The following PARP15 variants were observed in gnomAD, a reference collection of about 807,000 sequenced individuals.
PARP15 encodes the protein poly(ADP-ribose) polymerase family member 15, also known as protein mono-ADP-ribosyltransferase PARP15.
Under a neutral mutation model 62.1 loss-of-function variants are expected in PARP15, and 50 were observed. That is an observed-to-expected ratio of 0.81 (90% CI 0.64 to 1.02). The LOEUF is 1.02. PARP15 is among the 50% of genes least tolerant of loss of function. The probability of loss-of-function intolerance (pLI) is 0.00; values close to 1 mark genes in which losing one functional copy is unlikely to be tolerated. For missense variants in PARP15, 820 were observed against 826.5 expected, an observed-to-expected ratio of 0.99 and a Z score of 0.10; for synonymous variants, 309 against 293.1, an observed-to-expected ratio of 1.05 and a Z score of -0.55.
chr3:122,588,342 A>G (rs1436994750), intron 1 of PARP15, among the ~76,000 whole-genome samples: 2 of 129,432 alleles, frequency 1.5e-5, no homozygotes, highest in Non-Finnish European at 1.6e-5. Flanking sequence ...TATATTTTCT[A>G]GGAATTGGTT....
At chr3:122,606,337 C>G (rs914959336) in intron 2 of PARP15, among the ~76,000 whole-genome samples, 3 of 152,202 alleles carry the variant, frequency 2.0e-5, no homozygotes, top group African/African-American at 7.2e-5. Flanking sequence ...TTGACTTACT[C>G]TCAACCCAGT....
chr3:122,584,151 T>C (rs1310523111), intron 1 of PARP15, among the ~76,000 whole-genome samples: 1 of 152,240 alleles, frequency 6.6e-6, no homozygotes. Context: ...ATTTTAGATA[T>C]CTTTTAACAA....
chr3:122,618,856 G>A (rs1046386683), intron 6 of PARP15, among the ~76,000 whole-genome samples: 2 of 152,140 alleles, frequency 1.3e-5, no homozygotes, highest in African/African-American at 2.4e-5. Flanking sequence ...AAGCCCGCTG[G>A]TCAACAAGCC....
At chr3:122,629,387 T>C (rs887710376) in intron 9 of PARP15, among the ~76,000 whole-genome samples, 2 of 152,172 alleles carry the variant, frequency 1.3e-5, no homozygotes, top group African/African-American at 2.4e-5. Context: ...CCCACCGGCC[T>C]CTCAAAGTGC....
Position 122,626,990 on chromosome 3 carries a change from C to G in PARP15, c.1395C>G (p.Leu465=), listed in dbSNP as rs370946370. Residue 465 remains leucine, a synonymous_variant, in exon 9 of 12, where the codon CTC becomes CTG. Coordinates refer to ENST00000464300, the MANE Select transcript of PARP15 (RefSeq NM_001113523.3). The part of the protein sequence containing the change: ...IFYDSMKKRD[L]SASLNFQSTF... ...ACGACAGCATGAAAAAAAGAGACCT[C>G]TCTGCATCACTGAACTTTCAGTCCA... 1.9e-6 allele frequency: 3 copies of G among 1,613,718 alleles called. No individual in the cohort carries two copies. Among genetic ancestry groups the G allele is most frequent in the African/African-American group, 2.7e-5 (2 of 74,892 alleles).
At chr3:122,578,009 A>C (rs2080718981) in intron 1 of PARP15, among the ~76,000 whole-genome samples, 156 bp downstream of exon 1, 1 of 146,506 alleles carries the variant, frequency 6.8e-6, no homozygotes, top group African/African-American at 2.5e-5. Context: ...GTTCCGGAAG[A>C]GGGGGATGCG....
rs114278090 is a variant in PARP15 at position 122,609,690 on chromosome 3, C to G, written c.307-804C>G. On this transcript the variant is annotated intron_variant, in intron 2 of 11. Coordinates refer to ENST00000464300, the MANE Select transcript of PARP15 (RefSeq NM_001113523.3). ...TCCAGCCCTGGGAACAGATCGAAAT[C>G]GTGTTTAAAAAAAAAAAAATTAAAA... 1.6e-3 allele frequency among the ~76,000 whole-genome samples: 230 copies of G among 140,816 alleles called. 2 individuals carry two copies. Among genetic ancestry groups the G allele is most frequent in the African/African-American group, 6.3e-3 (222 of 35,022 alleles). 92.4% of individuals were successfully genotyped at this position (140,816 alleles called of 152,430 possible). A position where few individuals can be genotyped will look rare whatever the true frequency, so the allele number is the denominator to read the frequency against.
intron 1 of PARP15, among the ~76,000 whole-genome samples, chr3:122,605,487 G>A (rs1302735522): frequency 6.6e-6 from 1 of 152,170 alleles, no homozygotes; most frequent in African/African-American, 2.4e-5. Flanking sequence ...AAATCTCAGA[G>A]CCAAGTTATG....
intron 1 of PARP15, among the ~76,000 whole-genome samples, chr3:122,580,541 G>C (rs1431438151): frequency 2.0e-5 from 3 of 152,100 alleles, no homozygotes; most frequent in Admixed American, 6.5e-5. Context: ...GTAGTGTTAG[G>C]TGTGTTTACA....
intron 3 of PARP15, among the ~76,000 whole-genome samples, chr3:122,611,849 G>C (rs772645557): frequency 5.9e-5 from 9 of 152,046 alleles, no homozygotes; most frequent in Non-Finnish European, 1.2e-4. Flanking sequence ...CGAGTAGCTA[G>C]GATTATAGGC....
chr3:122,613,512 G>A (rs921280453), intron 4 of PARP15, among the ~76,000 whole-genome samples: 1 of 152,172 alleles, frequency 6.6e-6, no homozygotes, highest in East Asian at 1.9e-4. Flanking sequence ...AAAGTTATTG[G>A]CATAAAAATG....
intron 1 of PARP15, among the ~76,000 whole-genome samples, chr3:122,594,262 T>C (rs971439646): frequency 6.6e-6 from 1 of 152,158 alleles, no homozygotes; most frequent in Non-Finnish European, 1.5e-5. Flanking sequence ...GATGGGACAC[T>C]GCATTCCAGC....
chr3:122,619,870 C>CTTG lies in PARP15; in HGVS notation c.1063+27_1063+28insTTG, dbSNP rs1936230059. 10 of 1,588,684 alleles carry CTTG rather than the reference C, an allele frequency of 6.3e-6. 1 individual carries two copies. The South Asian group carries it at 1.1e-4, about 18-fold the overall frequency. ...TATGGGCACATGTTACTTTTGACTA[C>CTTG]AAACTTGAAAATCAGAGGGCTGAGA... On this transcript the variant is annotated intron_variant, in intron 7 of 11. Coordinates refer to ENST00000464300, the MANE Select transcript of PARP15 (RefSeq NM_001113523.3).
intron 1 of PARP15, among the ~76,000 whole-genome samples, chr3:122,598,177 G>C (rs1934503767): frequency 1.3e-5 from 2 of 152,128 alleles, no homozygotes; most frequent in African/African-American, 4.8e-5. Flanking sequence ...TATCCCCACT[G>C]TCTCTACCAG....
chr3:122,625,807 A>G (rs955593484), intron 8 of PARP15, among the ~76,000 whole-genome samples: 3 of 152,174 alleles, frequency 2.0e-5, no homozygotes, highest in African/African-American at 7.2e-5. Context: ...GGCTTTTTGT[A>G]CCGCAGCCCT....
chr3:122,632,273 G>C (rs533552757), intron 10 of PARP15, 54 bp downstream of exon 10: 3 of 1,537,112 alleles, frequency 2.0e-6, no homozygotes, highest in Non-Finnish European at 2.7e-6. Flanking sequence ...TAACATAAAA[G>C]CTATCTCTTT....
chr3:122,577,823 G>C lies in PARP15; in HGVS notation c.156G>C (p.Lys52Asn). 2 of 1,550,420 alleles carry C rather than the reference G, an allele frequency of 1.3e-6. No homozygotes were observed. Among genetic ancestry groups the C allele is most frequent in the South Asian group, 1.2e-5 (1 of 83,938 alleles). Residue 52 changes from lysine to asparagine, a missense_variant, in exon 1 of 12, where the codon AAG becomes AAC. Transcript: ENST00000464300. ...VLPAGNRGAR[K>N]ASRRSSSRSM... Reference sequence around the variant, plus strand: ...CGGCCGGGAACCGTGGGGCGCGGAAGGCCTCCCGGCGCTCTTCCTCCCGGA... The same window carrying C: ...CGGCCGGGAACCGTGGGGCGCGGAACGCCTCCCGGCGCTCTTCCTCCCGGA...
At position 122,625,316 on chromosome 3, in the gene PARP15, C is replaced by T. The variant is rs1366649018; in HGVS notation, c.1232-1511C>T. On this transcript the variant is annotated intron_variant, in intron 8 of 11. Coordinates refer to ENST00000464300, the MANE Select transcript of PARP15 (RefSeq NM_001113523.3). ...TCACCCAGGCTGGAGTTCAGTGGCA[C>T]GATCTTGGCTCACTGCAACCTCCAC... Among the ~76,000 whole-genome samples, 9 of 152,074 alleles carry T rather than the reference C, an allele frequency of 5.9e-5. No individual in the cohort carries two copies. In the East Asian group the frequency reaches 9.6e-4, roughly 16 times the overall value.
At chr3:122,590,147 A>G (rs1933776853) in intron 1 of PARP15, among the ~76,000 whole-genome samples, 1 of 151,896 alleles carries the variant, frequency 6.6e-6, no homozygotes, top group Admixed American at 6.6e-5. Context: ...CGGCCTCCCA[A>G]AGTGCTGGGA....
Sources: gnomAD v4.1 joint callset for allele counts (sites outside exome capture counted in the v4.1 genomes callset) on GRCh38, gnomAD v4.1.1 for gene constraint, MANE v1.5 for transcripts, NCBI Gene and HGNC (gene_info 2026-07-23, HGNC 2026-07-21) for gene names.